The following SEC14L6 variants were observed in gnomAD, a reference collection of about 807,000 sequenced individuals.
SEC14L6 encodes SEC14 like lipid binding 6.
Under a neutral mutation model 54.1 loss-of-function variants are expected in SEC14L6, and 40 were observed. The ratio of observed to expected loss-of-function variants is 0.74; its 90% CI spans 0.57 to 0.96. SEC14L6 has a LOEUF of 0.96. Among genes scored for constraint, SEC14L6 ranks in the 40% least tolerant of loss-of-function variants. SEC14L6 has a pLI of 0.00. For synonymous variants in SEC14L6, 171 were observed against 198.4 expected (o/e 0.86, Z 1.16); for missense variants, 471 against 498.3 (o/e 0.95, Z 0.52).
chr22:30,542,084 C>A (rs940318813), intron 1 of SEC14L6, among the ~76,000 whole-genome samples: 1 of 152,192 alleles, frequency 6.6e-6, no homozygotes, highest in African/African-American at 2.4e-5. Context: ...CGGCTCAGAC[C>A]CCGTCCCCAG....
rs758527801 is a variant in SEC14L6, at chr22:30,525,844, G to T, written c.753C>A (p.Asn251Lys). 24 of 1,613,744 alleles carry T rather than the reference G, an allele frequency of 1.5e-5. No homozygotes were observed. The highest frequency in any genetic ancestry group is 2.0e-5 in the Non-Finnish European group (24 of 1,179,784). Residue 251 changes from asparagine to lysine, a missense_variant, in exon 9 of 12, where the codon AAC (asparagine) becomes AAA (lysine). Asn to Lys is a moderately conservative substitution (Grantham distance 94, BLOSUM62 0). Transcript: ENST00000402034. Reference sequence around the variant, plus strand: ...CCTGTACCTTGGTCAGGCACTTGGGGTTGCCATCGGGGTCAGTCATGGTCC... The same window carrying T: ...CCTGTACCTTGGTCAGGCACTTGGGTTTGCCATCGGGGTCAGTCATGGTCC... ...FGGTMTDPDG[N>K]PKCLTKINYG...
chr22:30,530,982 G>A (rs1346589005), intron 6 of SEC14L6, among the ~76,000 whole-genome samples: 3 of 152,188 alleles, frequency 2.0e-5, no homozygotes, highest in African/African-American at 4.8e-5. Context: ...ACATCCACAG[G>A]GACATTGGCA....
At chr22:30,529,520 C>T (rs1249505335) in intron 6 of SEC14L6, among the ~76,000 whole-genome samples, 171 bp from the exon 7 acceptor site, 4 of 152,176 alleles carry the variant, frequency 2.6e-5, no homozygotes, top group Non-Finnish European at 4.4e-5. Flanking sequence ...CACCCAGACA[C>T]AGAGAAGCTG....
In SEC14L6 at chr22:30,525,681, T is replaced by G; in HGVS notation, c.841A>C (p.Thr281Pro). 1.2e-6 allele frequency: 2 copies of G among 1,613,466 alleles called. No individual in the cohort carries two copies. Among genetic ancestry groups the G allele is most frequent in the Non-Finnish European group, 1.7e-6 (2 of 1,179,834 alleles). The change falls in exon 10 of 12, where the codon ACG (threonine) becomes CCG (proline). Residue 281 changes from threonine to proline, a missense_variant. Thr to Pro is a conservative substitution (Grantham distance 38). Coordinates refer to ENST00000402034, the MANE Select transcript of SEC14L6 (RefSeq NM_001193336.4). Reference protein sequence around the residue: ...CKQVRLQYEHTRSVGRGSSLQ... With the variant: ...CKQVRLQYEHPRSVGRGSSLQ... ...GAGGAGCCGCGGCCCACGGACCTCGTGTGCTCATACTGCAGCCTCACCTGC... is the reference window on the plus strand; with the variant it reads ...GAGGAGCCGCGGCCCACGGACCTCGGGTGCTCATACTGCAGCCTCACCTGC...
In SEC14L6 at chr22:30,524,389, T is replaced by G. The variant is rs1215266743; in HGVS notation, c.*608A>C. 6.6e-6 allele frequency: 1 copy of G among 152,206 alleles called. No homozygotes were observed. The highest frequency in any genetic ancestry group is 1.9e-4 in the East Asian group (1 of 5,208). The allele number at this position is 152,206 out of a possible 1,614,324, so 9.4% of individuals were successfully genotyped here. On this transcript the variant is annotated 3_prime_UTR_variant, in exon 12 of 12. Transcript: ENST00000402034. ...CCTATTAATACTATTTTATTTTATT[T>G]TTTTGAGACAGAGTCTCACTCTGTC...
chr22:30,532,620 C>T lies in SEC14L6; in HGVS notation c.328G>A (p.Gly110Ser). The stretch of plus-strand genomic sequence containing the variant: ...TGTTTGGAGGCTGAGAGCAAGAGGC[C>T]TTTGGGGTCCAGGCTTCCCACAATG... ...YHIVGSLDPK[G>S]LLLSASKQEL... The change falls in exon 5 of 12, where the codon GGC becomes AGC. Residue 110 changes from glycine (G) to serine (S), a missense_variant. Gly to Ser is a moderately conservative substitution (Grantham distance 56, BLOSUM62 0). Transcript: ENST00000402034. 6.4e-7 allele frequency: 1 copy of T among 1,550,686 alleles called. No individual in the cohort carries two copies. Among genetic ancestry groups the T allele is most frequent in the South Asian group, 1.2e-5 (1 of 84,070 alleles).
intron 1 of SEC14L6, chr22:30,544,000 C>T: frequency 6.3e-7 from 1 of 1,598,198 alleles, no homozygotes; most frequent in Non-Finnish European, 8.6e-7. Flanking sequence ...CATGGTGCAC[C>T]TCAACCGGAC....
intron 1 of SEC14L6, chr22:30,543,858 G>A (rs562969385): frequency 6.4e-5 from 98 of 1,524,924 alleles, no homozygotes; most frequent in African/African-American, 2.7e-4. Flanking sequence ...TCACATATGC[G>A]GACCTGAACC....
intron 8 of SEC14L6, among the ~76,000 whole-genome samples, chr22:30,528,582 C>A (rs1244947211): frequency 6.6e-6 from 1 of 151,622 alleles, no homozygotes; most frequent in Non-Finnish European, 1.5e-5. Flanking sequence ...CACCACCATG[C>A]CTGGCTAATT....
At chr22:30,543,909 C>T in intron 1 of SEC14L6, 1 of 1,603,160 alleles carries the variant, frequency 6.2e-7, no homozygotes, top group East Asian at 2.2e-5. Flanking sequence ...CCGCGGAGCC[C>T]AACAACCACA....
intron 1 of SEC14L6, chr22:30,542,628 C>T (rs1220757171): frequency 2.6e-6 from 4 of 1,540,014 alleles, no homozygotes; most frequent in African/African-American, 2.7e-5. Flanking sequence ...GCCTGCTGCT[C>T]CCCGCGTCCT....
chr22:30,530,226 A>G (rs1936924802), intron 6 of SEC14L6, among the ~76,000 whole-genome samples: 2 of 152,090 alleles, frequency 1.3e-5, no homozygotes, highest in South Asian at 2.1e-4. Flanking sequence ...GCAGGGCAAC[A>G]TGGTGAAACC....
rs1169371323 is a variant in SEC14L6, at chr22:30,546,697, G to T, written c.-15C>A. On this transcript the variant is annotated 5_prime_UTR_variant, in exon 1 of 12. Transcript: ENST00000402034. Reference sequence around the variant, plus strand: ...TGTCCACTCATGCTGCCCATGAATGGGTCCAGGCTCCACTCTGTGGCTCCC... The same window carrying T: ...TGTCCACTCATGCTGCCCATGAATGTGTCCAGGCTCCACTCTGTGGCTCCC... 1 of 1,549,942 alleles carries T rather than the reference G, an allele frequency of 6.5e-7. No homozygotes were observed. Among genetic ancestry groups the T allele is most frequent in the Non-Finnish European group, 8.7e-7 (1 of 1,146,630 alleles).
intron 2 of SEC14L6, among the ~76,000 whole-genome samples, chr22:30,537,331 C>T (rs1368440407): frequency 6.6e-6 from 1 of 151,904 alleles, no homozygotes; most frequent in Non-Finnish European, 1.5e-5. Context: ...GAGAGATAGC[C>T]TAGCCAGGCA....
intron 1 of SEC14L6, chr22:30,543,438 C>T (rs1270837360): frequency 3.1e-6 from 5 of 1,610,660 alleles, no homozygotes; most frequent in Admixed American, 1.7e-5. Context: ...GGTTGGAGAA[C>T]GGCAATGTGT....
chr22:30,543,833 A>G (rs2085767148), intron 1 of SEC14L6: 1 of 1,510,288 alleles, frequency 6.6e-7, no homozygotes, highest in Non-Finnish European at 9.2e-7. Flanking sequence ...AAAATAACCC[A>G]GGACACAAAT....
rs1425675070 is a variant in SEC14L6, at chr22:30,534,017, T to G, written c.153A>C (p.Lys51Asn). 2 of 1,550,920 alleles carry G rather than the reference T, an allele frequency of 1.3e-6. No homozygotes were observed. Among genetic ancestry groups the G allele is most frequent in the South Asian group, 2.4e-5 (2 of 84,050 alleles). The change falls in exon 3 of 12, where the codon AAA (lysine) becomes AAC (asparagine). Residue 51 changes from lysine to asparagine, a missense_variant. Transcript: ENST00000402034. ...TCACCTTCCTCAGCATGTCCTCTGA[T>G]TTCTGCAGGTCAAAGCTCCGAGCTG... The part of the protein sequence containing the change: ...WLQARSFDLQ[K>N]SEDMLRKHME...
intron 2 of SEC14L6, among the ~76,000 whole-genome samples, chr22:30,536,433 T>G (rs118096983): frequency 0.017 from 2,663 of 152,216 alleles, 50 homozygotes; most frequent in Middle Eastern, 0.048. Flanking sequence ...GCAGCCACAT[T>G]TTCAGGGCCA....
chr22:30,526,689 C>CA (rs200601037), intron 8 of SEC14L6, among the ~76,000 whole-genome samples: 12,361 of 152,020 alleles, frequency 0.081, 1,037 homozygotes, highest in African/African-American at 0.21. Flanking sequence ...GAGACCACAC[C>CA]CTGTACTCCA....
Sources: gnomAD v4.1 joint callset for allele counts (sites outside exome capture counted in the v4.1 genomes callset) on GRCh38, gnomAD v4.1.1 for gene constraint, MANE v1.5 for transcripts, NCBI Gene and HGNC (gene_info 2026-07-23, HGNC 2026-07-21) for gene names.